Variants in DNAH3 observed in about 807,000 individuals in gnomAD.
DNAH3 encodes axonemal beta dynein heavy chain 3.
Under a neutral mutation model 432.5 loss-of-function variants are expected in DNAH3, and 332 were observed. That is an observed-to-expected ratio of 0.77 (90% confidence interval 0.70 to 0.84). The LOEUF (loss-of-function observed/expected upper bound fraction) is 0.84, where lower values mean the gene tolerates loss of function less well. Ranked by LOEUF, DNAH3 falls within the 40% of genes least tolerant of loss-of-function variation. DNAH3 has a pLI of 0.00. For missense variants in DNAH3, 4,861 were observed against 5,114.0 expected (o/e 0.95, Z 1.51); for synonymous variants, 1,956 against 1,900.2 (o/e 1.03, Z -0.76).
chr16:21,072,225 ATTAATTAATTAATTAATT>A (rs1236343189), intron 21 of DNAH3, among the ~76,000 whole-genome samples: 1 of 143,272 alleles, frequency 7.0e-6, no homozygotes, highest in Non-Finnish European at 1.5e-5. Context: ...TGTTTAATTA[ATTAATTAATTAATTAATT>A]TTAATTTTAT....
chr16:21,086,736 G>T, intron 19 of DNAH3, 113 bp downstream of exon 19: 2 of 919,132 alleles, frequency 2.2e-6, no homozygotes, highest in Non-Finnish European at 3.5e-6. Flanking sequence ...CTTAAATAGA[G>T]TCTCCTTTCG....
chr16:21,129,890 C>G (rs1461514000), intron 7 of DNAH3: 1 of 152,036 alleles, frequency 6.6e-6, no homozygotes, highest in Non-Finnish European at 1.5e-5. Context: ...CCCCATTACT[C>G]TGGCTAATTT....
chr16:21,055,291 A>G (rs1325507222), intron 27 of DNAH3, among the ~76,000 whole-genome samples: 1 of 152,140 alleles, frequency 6.6e-6, no homozygotes, highest in Non-Finnish European at 1.5e-5. Flanking sequence ...CCTGACCTCA[A>G]GTGATTCACC....
intron 52 of DNAH3, among the ~76,000 whole-genome samples, chr16:20,966,577 C>T (rs2085073618): frequency 6.6e-6 from 1 of 152,184 alleles, no homozygotes; most frequent in South Asian, 2.1e-4. Context: ...ATCTACCTTT[C>T]CCTCAAAGCG....
intron 11 of DNAH3, among the ~76,000 whole-genome samples, chr16:21,117,702 G>A (rs2092239545): frequency 1.3e-5 from 2 of 152,152 alleles, no homozygotes; most frequent in Non-Finnish European, 2.9e-5. Flanking sequence ...AGATGAATGT[G>A]TAATGAGATG....
intron 42 of DNAH3, among the ~76,000 whole-genome samples, chr16:21,001,626 A>G (rs1184943354): frequency 6.6e-6 from 1 of 152,192 alleles, no homozygotes; most frequent in Non-Finnish European, 1.5e-5. Flanking sequence ...GAGAAGTAAC[A>G]GGTGCTTAAG....
At position 21,134,394 on chromosome 16, in the gene DNAH3, C is replaced by A. The variant is rs570916220; in HGVS notation, c.947G>T (p.Arg316Leu). The A allele has an allele frequency of 3.1e-6, 5 of 1,614,132 alleles. No individual in the cohort carries two copies. The South Asian group carries it at 4.4e-5, about 14-fold the overall frequency. The change falls in exon 7 of 62, where the codon CGC becomes CTC. Residue 316 changes from arginine (R) to leucine (L), a missense_variant. By Grantham distance (102) the Arg-to-Leu change is moderately radical (BLOSUM62 -2). Coordinates refer to ENST00000261383, the Ensembl canonical transcript of DNAH3. ...CCGGATCACTCTTTGAGGAAACAAGCGGGGGATGCTCTCAATAAAGAGCCG... is the reference window on the plus strand; with the variant it reads ...CCGGATCACTCTTTGAGGAAACAAGAGGGGGATGCTCTCAATAAAGAGCCG...
chr16:20,981,399 A>G (rs554440842), intron 49 of DNAH3, among the ~76,000 whole-genome samples: 2 of 152,284 alleles, frequency 1.3e-5, no homozygotes, highest in South Asian at 4.1e-4. Context: ...TGACACTCTT[A>G]CCCCTACCTA....
At chr16:20,974,443 GTGAGCTA>G (rs1424715285) in intron 51 of DNAH3, among the ~76,000 whole-genome samples, 1 of 151,842 alleles carries the variant, frequency 6.6e-6, no homozygotes, top group Non-Finnish European at 1.5e-5. Flanking sequence ...CAAGGCTGCA[GTGAGCTA>G]TGGATTGCAG....
chr16:21,071,373 T>G (rs2090776053), intron 21 of DNAH3, among the ~76,000 whole-genome samples: 1 of 150,246 alleles, frequency 6.7e-6, no homozygotes, highest in Admixed American at 6.6e-5. Context: ...GGGGTCTCAC[T>G]GTGTTGCCCA....
chr16:21,146,158 G>A, intron 1 of DNAH3, 70 bp from the exon 3 acceptor site: 1 of 1,008,650 alleles, frequency 9.9e-7, no homozygotes, highest in Non-Finnish European at 1.6e-6. Flanking sequence ...AGTTGGTTAG[G>A]ACTAAAGAGG....
chr16:20,973,957 A>G (rs1336733693), intron 51 of DNAH3, among the ~76,000 whole-genome samples: 1 of 152,196 alleles, frequency 6.6e-6, no homozygotes, highest in African/African-American at 2.4e-5. Context: ...TAGGAGACCA[A>G]CATGGCCAGA....
At chr16:21,019,858 C>T (rs1319051638) in exon 41 of DNAH3, 1 of 1,613,916 alleles carries the variant, frequency 6.2e-7, no homozygotes, top group East Asian at 2.2e-5. Context: ...TCTTCTACTG[C>T]CCTGATTTCA....
At chr16:21,153,555 C>G (rs141215075) in intron 1 of DNAH3, among the ~76,000 whole-genome samples, 28 of 152,196 alleles carry the variant, frequency 1.8e-4, no homozygotes, top group Non-Finnish European at 3.7e-4. Context: ...AGTGGCAAGC[C>G]GCTTGATCCC....
chr16:21,119,361 G>A (rs1232758650), intron 11 of DNAH3, among the ~76,000 whole-genome samples: 1 of 152,136 alleles, frequency 6.6e-6, no homozygotes, highest in Non-Finnish European at 1.5e-5. Context: ...GCCGGGTGTG[G>A]TGGCTCATAC....
intron 50 of DNAH3, 62 bp downstream of exon 50, chr16:20,979,268 G>A: frequency 6.6e-7 from 1 of 1,520,484 alleles, no homozygotes; most frequent in African/African-American, 1.4e-5. Context: ...CTGAACACAT[G>A]CCTCGGCACA....
At chr16:21,143,254 C>T (rs909813202) in intron 3 of DNAH3, among the ~76,000 whole-genome samples, 1 of 152,112 alleles carries the variant, frequency 6.6e-6, no homozygotes, top group African/African-American at 2.4e-5. Context: ...TATGTTGAAC[C>T]TTAATCCCCA....
chr16:21,000,146 CCA>C (rs2152690276), intron 43 of DNAH3, 76 bp downstream of exon 43: 1 of 1,495,624 alleles, frequency 6.7e-7, no homozygotes, highest in East Asian at 2.3e-5. Context: ...TACAGTGGCA[CCA>C]CAAGCAGAAG....
intron 1 of DNAH3, among the ~76,000 whole-genome samples, chr16:21,157,087 A>G (rs1248826464): frequency 1.3e-5 from 2 of 152,074 alleles, no homozygotes; most frequent in Non-Finnish European, 2.9e-5. Flanking sequence ...ACGCCAGACA[A>G]GATTGGCTAA....
Sources: allele counts gnomAD v4.1 joint callset (sites outside exome capture counted in the v4.1 genomes callset), GRCh38; gene constraint gnomAD v4.1.1; transcripts MANE v1.5; gene names NCBI Gene and HGNC (gene_info 2026-07-23, HGNC 2026-07-21).